PARD3: variants seen among roughly 807,000 people sequenced by gnomAD.
PARD3 encodes the protein partitioning defective 3 homolog.
In PARD3, 75 loss-of-function variants were observed where a neutral mutation model predicts 155.4. The ratio of observed to expected loss-of-function variants is 0.48; its 90% CI spans 0.40 to 0.58. The LOEUF (loss-of-function observed/expected upper bound fraction) is 0.58. PARD3 is among the 20% of genes least tolerant of loss of function. The pLI is 0.00. For synonymous variants in PARD3, 576 were observed against 610.5 expected (o/e 0.94, Z 0.83); for missense variants, 1,642 against 1,721.7 (o/e 0.95, Z 0.82).
In PARD3 at chr10:34,131,553, C is replaced by A. The variant is rs768794039; in HGVS notation, c.3450G>T (p.Arg1150=). 12 of 1,613,700 alleles carry A rather than the reference C, an allele frequency of 7.4e-6. No homozygotes were observed. The South Asian group carries it at 1.1e-4, about 15-fold the overall frequency. The change falls in exon 23 of 25, where the codon CGG becomes CGT. Residue 1150 remains arginine, a synonymous_variant. Transcript: ENST00000374788. ...GAAATTCTTGCCTCAGACGCTGTATCCGATCATGATTGCTAGGAGTTGATC... is the reference window on the plus strand; with the variant it reads ...GAAATTCTTGCCTCAGACGCTGTATACGATCATGATTGCTAGGAGTTGATC... The part of the protein sequence containing the change: ...SNRSTPSNHD[R]IQRLRQEFQQ...
chr10:34,807,004 C>T (rs757014968), intron 1 of PARD3, among the ~76,000 whole-genome samples: 1 of 152,308 alleles, frequency 6.6e-6, no homozygotes, highest in African/African-American at 2.4e-5. Flanking sequence ...TGGTCCATTA[C>T]GTGCATCCTT....
intron 7 of PARD3, among the ~76,000 whole-genome samples, chr10:34,385,101 G>A (rs890131496): frequency 1.4e-4 from 21 of 152,178 alleles, no homozygotes; most frequent in African/African-American, 4.8e-4. Context: ...TCTTAACCTA[G>A]CTCTGATTGC....
intron 2 of PARD3, among the ~76,000 whole-genome samples, chr10:34,642,898 C>G (rs1020928474): frequency 6.6e-6 from 1 of 152,170 alleles, no homozygotes; most frequent in Non-Finnish European, 1.5e-5. Flanking sequence ...CCAGCAGACC[C>G]CCAGCTCTGT....
chr10:34,432,278 A>G (rs959945090), intron 5 of PARD3, among the ~76,000 whole-genome samples: 1 of 151,544 alleles, frequency 6.6e-6, no homozygotes, highest in Non-Finnish European at 1.5e-5. Flanking sequence ...TCTAGTCAAA[A>G]GGAATATGGC....
chr10:34,736,638 CT>C (rs1564563483), intron 1 of PARD3, among the ~76,000 whole-genome samples: 1 of 136,446 alleles, frequency 7.3e-6, no homozygotes. Flanking sequence ...AAATAGGTTA[CT>C]TTATTAATTA....
chr10:34,367,651 C>T (rs963728266), intron 12 of PARD3, among the ~76,000 whole-genome samples: 2 of 152,208 alleles, frequency 1.3e-5, no homozygotes, highest in African/African-American at 4.8e-5. Flanking sequence ...TGCAGTGAGC[C>T]GAGATCGAGC....
chr10:34,806,500 A>C (rs1843405247), intron 1 of PARD3, among the ~76,000 whole-genome samples: 1 of 151,750 alleles, frequency 6.6e-6, no homozygotes. Flanking sequence ...ATGCCTGGCT[A>C]ATTTTTTTAA....
chr10:34,199,740 G>C (rs1421952470), intron 22 of PARD3, among the ~76,000 whole-genome samples: 1 of 152,194 alleles, frequency 6.6e-6, no homozygotes, highest in African/African-American at 2.4e-5. Context: ...AAGGATGCAA[G>C]CTTTCCCTTC....
At chr10:34,285,536 A>G (rs949022727) in intron 20 of PARD3, among the ~76,000 whole-genome samples, 1 of 152,022 alleles carries the variant, frequency 6.6e-6, no homozygotes, top group Non-Finnish European at 1.5e-5. Context: ...TGATTGCGCC[A>G]CTGTGCTCCA....
At chr10:34,558,134 C>T (rs1475277355) in intron 2 of PARD3, among the ~76,000 whole-genome samples, 1 of 152,060 alleles carries the variant, frequency 6.6e-6, no homozygotes, top group Non-Finnish European at 1.5e-5. Flanking sequence ...CATGTTCTCA[C>T]TTTGCATGTG....
At chr10:34,348,223 C>A in intron 14 of PARD3, 108 bp from the exon 15 acceptor site, 1 of 908,354 alleles carries the variant, frequency 1.1e-6, no homozygotes, top group Non-Finnish European at 1.6e-6. Context: ...AACTGGGTAC[C>A]AAATGAACTA....
chr10:34,431,816 G>A (rs1339057629), intron 5 of PARD3, among the ~76,000 whole-genome samples: 11 of 146,602 alleles, frequency 7.5e-5, no homozygotes, highest in Non-Finnish European at 1.2e-4. Context: ...TTGGGAGGCC[G>A]AGGCGGGTGG....
chr10:34,178,408 G>A (rs758804352), intron 22 of PARD3, among the ~76,000 whole-genome samples: 2 of 152,190 alleles, frequency 1.3e-5, no homozygotes, highest in Non-Finnish European at 2.9e-5. Flanking sequence ...CCACAAAGAC[G>A]GAGGTGCCAA....
chr10:34,416,397 G>T (rs773261452), intron 5 of PARD3, among the ~76,000 whole-genome samples: 5 of 152,262 alleles, frequency 3.3e-5, no homozygotes, highest in African/African-American at 4.8e-5. Context: ...GGGCAGGGGG[G>T]ACTTTGCAGA....
chr10:34,417,784 T>C (rs1845810088), intron 5 of PARD3, among the ~76,000 whole-genome samples: 1 of 152,184 alleles, frequency 6.6e-6, no homozygotes. Context: ...CAAAGAGAAA[T>C]ACCCTTCCTT....
chr10:34,192,365 T>A (rs1002842591), intron 22 of PARD3, among the ~76,000 whole-genome samples: 1 of 152,184 alleles, frequency 6.6e-6, no homozygotes, highest in Admixed American at 6.5e-5. Context: ...CCCAAAGTGC[T>A]GGGATTACAG....
At chr10:34,488,307 T>A (rs1449093555) in intron 3 of PARD3, among the ~76,000 whole-genome samples, 3 of 151,762 alleles carry the variant, frequency 2.0e-5, no homozygotes, top group Non-Finnish European at 2.9e-5. Context: ...TATTTTTATT[T>A]TATTTATTTA....
intron 5 of PARD3, among the ~76,000 whole-genome samples, chr10:34,440,138 G>C (rs2076390881): frequency 6.6e-6 from 1 of 152,086 alleles, no homozygotes; most frequent in Non-Finnish European, 1.5e-5. Context: ...TAAATAGCTA[G>C]ATCATAAAAT....
chr10:34,715,509 T>C (rs1418532398), intron 1 of PARD3, among the ~76,000 whole-genome samples: 3 of 152,194 alleles, frequency 2.0e-5, no homozygotes, highest in Non-Finnish European at 4.4e-5. Context: ...CTATACCTCC[T>C]GGAAAGCCAT....
Sources: gnomAD v4.1 joint callset for allele counts (sites outside exome capture counted in the v4.1 genomes callset) on GRCh38, gnomAD v4.1.1 for gene constraint, MANE v1.5 for transcripts, NCBI Gene and HGNC (gene_info 2026-07-23, HGNC 2026-07-21) for gene names.